Variants in SGK3 observed in about 807,000 individuals in gnomAD.
The protein encoded by SGK3 is serum/glucocorticoid regulated kinase family member 3.
SGK3 carries 47 observed loss-of-function variants against 68.5 expected under a neutral mutation model. That is an observed-to-expected ratio of 0.69 (90% CI 0.54 to 0.87). The LOEUF (loss-of-function observed/expected upper bound fraction) is 0.87. Among genes scored for constraint, SGK3 ranks in the 40% least tolerant of loss-of-function variants. The pLI is 0.00. For missense variants in SGK3, 479 were observed against 575.5 expected, an observed-to-expected ratio of 0.83 and a Z score of 1.72; for synonymous variants, 181 against 189.1, an observed-to-expected ratio of 0.96 and a Z score of 0.35.
chr8:66,762,874 C>G (rs1806215873), intron 1 of SGK3, among the ~76,000 whole-genome samples: 1 of 152,256 alleles, frequency 6.6e-6, no homozygotes, highest in African/African-American at 2.4e-5. Flanking sequence ...CCCTGCAGTC[C>G]CTATAAATTG....
intron 1 of SGK3, among the ~76,000 whole-genome samples, chr8:66,731,586 G>C (rs534311023): frequency 3.7e-4 from 56 of 152,216 alleles, no homozygotes; most frequent in African/African-American, 1.3e-3. Context: ...CCAGACTGGA[G>C]TGCAGTGGCT....
At chr8:66,777,179 C>T (rs146930009) in intron 1 of SGK3, among the ~76,000 whole-genome samples, 2 of 152,308 alleles carry the variant, frequency 1.3e-5, no homozygotes, top group African/African-American at 4.8e-5. Context: ...TTGTATAGCT[C>T]ACTCCTTCAC....
At chr8:66,831,006 T>A (rs1474067171) in intron 7 of SGK3, among the ~76,000 whole-genome samples, 1 of 152,208 alleles carries the variant, frequency 6.6e-6, no homozygotes, top group Non-Finnish European at 1.5e-5. Context: ...ATTATTGAAG[T>A]TCCTCTTAAG....
intron 1 of SGK3, among the ~76,000 whole-genome samples, chr8:66,785,547 G>A (rs1019476047): frequency 2.0e-5 from 3 of 151,866 alleles, no homozygotes; most frequent in East Asian, 1.9e-4. Context: ...CATCCCTGAC[G>A]ACCACCGCCC....
intron 10 of SGK3, among the ~76,000 whole-genome samples, chr8:66,838,922 C>G (rs1338989270): frequency 6.6e-6 from 1 of 152,004 alleles, no homozygotes; most frequent in African/African-American, 2.4e-5. Context: ...AGAATAAAAA[C>G]AAATAAGTTT....
intron 1 of SGK3, among the ~76,000 whole-genome samples, chr8:66,789,534 A>G (rs1207429883): frequency 2.6e-5 from 4 of 152,238 alleles, no homozygotes; most frequent in Non-Finnish European, 5.9e-5. Flanking sequence ...GGATGGGCCT[A>G]TGGTCCTATT....
chr8:66,858,093 C>T (rs556975252), intron 16 of SGK3, among the ~76,000 whole-genome samples: 27 of 151,962 alleles, frequency 1.8e-4, no homozygotes, highest in African/African-American at 5.6e-4. Flanking sequence ...TACTTATAAC[C>T]GCTTCATTTA....
intron 1 of SGK3, among the ~76,000 whole-genome samples, chr8:66,719,254 CAA>C (rs1252033307): frequency 6.6e-5 from 10 of 151,776 alleles, no homozygotes; most frequent in Non-Finnish European, 1.3e-4. Flanking sequence ...TATATGTACA[CAA>C]GAGTTTTTTT....
intron 1 of SGK3, chr8:66,790,681 C>A (rs142402321): frequency 6.6e-6 from 1 of 152,198 alleles, no homozygotes; most frequent in Non-Finnish European, 1.5e-5. Context: ...GAATTCACAG[C>A]TTTAACTTTG....
chr8:66,734,896 G>A (rs1021477929), intron 1 of SGK3, among the ~76,000 whole-genome samples: 14 of 149,074 alleles, frequency 9.4e-5, no homozygotes, highest in Admixed American at 3.3e-4. Flanking sequence ...GCAGTGAGCC[G>A]AGACTGTCAT....
chr8:66,730,844 A>AT (rs113173320), intron 1 of SGK3, among the ~76,000 whole-genome samples: 4,209 of 144,026 alleles, frequency 0.029, 77 homozygotes, highest in Admixed American at 0.059. Context: ...AGCCTGGCTA[A>AT]TTTTTTTTTT....
In SGK3 at chr8:66,835,272, G is replaced by A. The variant is rs369159087; in HGVS notation, c.526-491G>A. On this transcript the variant is annotated intron_variant, in intron 8 of 16. Coordinates refer to ENST00000521198, the MANE Select transcript of SGK3 (RefSeq NM_001033578.3). ...TAGATTTCTTCAGATTCTTTAAAGCGTCTGCATGGGACCCAGCCCACTATA... is the reference window on the plus strand; with the variant it reads ...TAGATTTCTTCAGATTCTTTAAAGCATCTGCATGGGACCCAGCCCACTATA... Among the ~76,000 whole-genome samples the A allele has an allele frequency of 2.0e-4, 31 of 152,258 alleles. No homozygotes were observed. The South Asian group carries it at 3.1e-3, about 15-fold the overall frequency.
intron 1 of SGK3, among the ~76,000 whole-genome samples, chr8:66,714,482 C>T (rs1374387010): frequency 6.6e-6 from 1 of 152,202 alleles, no homozygotes. Context: ...AGCTTTCTGA[C>T]TCCCTCACTC....
At chr8:66,818,311 T>C (rs1808678044) in intron 5 of SGK3, among the ~76,000 whole-genome samples, 1 of 152,152 alleles carries the variant, frequency 6.6e-6, no homozygotes, top group Admixed American at 6.5e-5. Context: ...ACACATTGAA[T>C]GGTTCACAAA....
chr8:66,807,732 G>A (rs1001132036), intron 4 of SGK3, among the ~76,000 whole-genome samples: 2 of 152,140 alleles, frequency 1.3e-5, no homozygotes, highest in Non-Finnish European at 2.9e-5. Flanking sequence ...GTAGTGTTTA[G>A]AAAAACTGTG....
At chr8:66,726,269 T>G (rs1413779906) in intron 1 of SGK3, among the ~76,000 whole-genome samples, 1 of 152,182 alleles carries the variant, frequency 6.6e-6, no homozygotes, top group Non-Finnish European at 1.5e-5. Flanking sequence ...CGTTTTATTT[T>G]GTAGATGAGT....
intron 1 of SGK3, among the ~76,000 whole-genome samples, chr8:66,723,090 C>CTATATATAT (rs1491367057): frequency 9.4e-5 from 2 of 21,276 alleles, no homozygotes; most frequent in African/African-American, 4.9e-4. Flanking sequence ...AGATTTTGTT[C>CTATATATAT]ATATATATAT....
At chr8:66,736,622 CT>C (rs749420647) in intron 1 of SGK3, among the ~76,000 whole-genome samples, 4,992 of 141,694 alleles carry the variant, frequency 0.035, 177 homozygotes, top group African/African-American at 0.1. Context: ...CATGCCCAGC[CT>C]TTTTTTTTTT....
In SGK3 at chr8:66,762,305, C is replaced by T. The variant is rs117901780; in HGVS notation, c.-121-31311C>T. On this transcript the variant is annotated intron_variant, in intron 1 of 16. Transcript: ENST00000521198. ...TTTAAAAAACATAACATCAGCTGGA[C>T]GTCAGGAGATCGAGACCATACAAAC... 1.3e-4 allele frequency among the ~76,000 whole-genome samples: 20 copies of T among 152,150 alleles called. No individual in the cohort carries two copies. In the East Asian group the frequency reaches 3.7e-3, roughly 28 times the overall value.
Sources: allele counts gnomAD v4.1 joint callset (sites outside exome capture counted in the v4.1 genomes callset), GRCh38; gene constraint gnomAD v4.1.1; transcripts MANE v1.5; gene names NCBI Gene and HGNC (gene_info 2026-07-23, HGNC 2026-07-21).